PINX1: variants seen among roughly 807,000 people sequenced by gnomAD.
PINX1 encodes PIN2 (TERF1) interacting telomerase inhibitor 1.
A neutral mutation model predicts 25.4 loss-of-function variants in PINX1; 34 were observed. The observed-to-expected ratio is 1.34, with a 90% CI of 1.02 to 1.78. The LOEUF (loss-of-function observed/expected upper bound fraction) is 1.78, where lower values mean the gene tolerates loss of function less well. PINX1 is among the 40% of genes most tolerant of loss of function. The pLI is 0.00. For missense variants in PINX1, 592 were observed against 404.9 expected, an observed-to-expected ratio of 1.46 and a Z score of -3.97; for synonymous variants, 197 against 147.7, an observed-to-expected ratio of 1.33 and a Z score of -2.42.
chr8:10,812,407 A>T (rs1338693335), intron 6 of PINX1, among the ~76,000 whole-genome samples: 2 of 152,178 alleles, frequency 1.3e-5, no homozygotes, highest in African/African-American at 4.8e-5. Context: ...AGAAGGTCAG[A>T]GCTGGAAGGG....
intron 6 of PINX1, among the ~76,000 whole-genome samples, chr8:10,785,578 T>C (rs1052981548): frequency 1.3e-5 from 2 of 152,248 alleles, no homozygotes; most frequent in African/African-American, 4.8e-5. Context: ...TTAGTTCTTA[T>C]TATAGCAATC....
chr8:10,836,506 T>G (rs1472966420), intron 1 of PINX1, among the ~76,000 whole-genome samples: 1 of 152,206 alleles, frequency 6.6e-6, no homozygotes, highest in African/African-American at 2.4e-5. Context: ...GAGACAGTTT[T>G]GAGAATAAGC....
chr8:10,802,783 G>A (rs1285726094), intron 6 of PINX1, among the ~76,000 whole-genome samples: 1 of 152,144 alleles, frequency 6.6e-6, no homozygotes, highest in Non-Finnish European at 1.5e-5. Flanking sequence ...TCAGAGGACT[G>A]GGGAATTATA....
intron 6 of PINX1, among the ~76,000 whole-genome samples, chr8:10,808,734 A>G (rs549907220): frequency 6.6e-6 from 1 of 152,344 alleles, no homozygotes; most frequent in African/African-American, 2.4e-5. Flanking sequence ...ATCTTGGGAA[A>G]AACAATCTGA....
intron 6 of PINX1, among the ~76,000 whole-genome samples, chr8:10,819,407 A>G (rs919205619): frequency 6.6e-6 from 1 of 152,200 alleles, no homozygotes; most frequent in African/African-American, 2.4e-5. Flanking sequence ...AGTACAACAT[A>G]CCAGATTAGC....
At chr8:10,810,608 G>C (rs923893237) in intron 6 of PINX1, among the ~76,000 whole-genome samples, 10 of 152,168 alleles carry the variant, frequency 6.6e-5, no homozygotes, top group African/African-American at 2.4e-4. Flanking sequence ...AAAAATTCCT[G>C]CCCTCACGGG....
At chr8:10,825,981 A>T (rs1798025109) in intron 5 of PINX1, among the ~76,000 whole-genome samples, 171 bp downstream of exon 5, 1 of 152,248 alleles carries the variant, frequency 6.6e-6, no homozygotes, top group African/African-American at 2.4e-5. Flanking sequence ...TTCTAACAAG[A>T]TCCTCAGGCA....
intron 6 of PINX1, chr8:10,787,497 A>C (rs1428383782): frequency 1.5e-5 from 3 of 197,348 alleles, no homozygotes. Flanking sequence ...AAGTGCTGGG[A>C]TTACAGGCGT....
chr8:10,839,666 C>T, intron 1 of PINX1, 72 bp downstream of exon 1: 2 of 1,508,094 alleles, frequency 1.3e-6, no homozygotes, highest in Non-Finnish European at 9.1e-7. Flanking sequence ...CCCAGCCACT[C>T]CGGGCTGCCG....
chr8:10,765,426 T>C lies in PINX1; in HGVS notation c.962A>G (p.Lys321Arg), dbSNP rs757158491. Residue 321 changes from lysine to arginine, a missense_variant, in exon 7 of 7, where the codon AAG becomes AGG. Transcript: ENST00000314787. ...DATLEETLVK[K>R]KKKKDSK is the part of the protein sequence containing the mutation. ...TCATTTGGAATCTTTCTTCTTCTTC[T>C]TTTTCACTAGCGTTTCTTCTAGTGT... 27 of 1,605,376 alleles carry C rather than the reference T, an allele frequency of 1.7e-5. No homozygotes were observed. The Admixed American group carries it at 4.4e-4, about 26-fold the overall frequency.
intron 2 of PINX1, 69 bp from the exon 3 acceptor site, chr8:10,833,053 A>G (rs1798274005): frequency 1.1e-6 from 1 of 949,668 alleles, no homozygotes; most frequent in Non-Finnish European, 1.6e-6. Flanking sequence ...GCACTGCTAC[A>G]AAACTCACAG....
chr8:10,821,627 G>A (rs141969610), intron 5 of PINX1, among the ~76,000 whole-genome samples: 1 of 152,366 alleles, frequency 6.6e-6, no homozygotes, highest in African/African-American at 2.4e-5. Context: ...AAAACTGGTT[G>A]TAGCGGGAAG....
intron 6 of PINX1, among the ~76,000 whole-genome samples, chr8:10,794,709 T>C (rs890984171): frequency 6.6e-6 from 1 of 152,222 alleles, no homozygotes; most frequent in Non-Finnish European, 1.5e-5. Flanking sequence ...ATTACGGGCA[T>C]GAGCCACTGC....
intron 5 of PINX1, among the ~76,000 whole-genome samples, chr8:10,823,065 G>T (rs1031159955): frequency 6.6e-6 from 1 of 152,204 alleles, no homozygotes; most frequent in South Asian, 2.1e-4. Context: ...AAGAGTCAGT[G>T]TGAGTGACAC....
intron 6 of PINX1, among the ~76,000 whole-genome samples, chr8:10,782,090 G>T (rs1217058289): frequency 6.6e-6 from 1 of 152,172 alleles, no homozygotes. Context: ...AACCAGACAG[G>T]AAAGAAAAAC....
At chr8:10,799,678 G>A (rs1021901846) in intron 6 of PINX1, among the ~76,000 whole-genome samples, 6 of 152,160 alleles carry the variant, frequency 3.9e-5, no homozygotes, top group Admixed American at 3.9e-4. Context: ...TCTAAACTGG[G>A]GTGCAGTAGA....
At position 10,826,162 on chromosome 8, in the gene PINX1, T is replaced by C; in HGVS notation, c.384A>G (p.Lys128=). 3 of 1,551,380 alleles carry C rather than the reference T, an allele frequency of 1.9e-6. No individual in the cohort carries two copies. Among genetic ancestry groups the C allele is most frequent in the Non-Finnish European group, 2.7e-6 (3 of 1,128,986 alleles). ...KISKNRVHYM[K]FTKGKDLSSR... ...AATGCTTAATCTTACCTTTTGTGAATTTCATATAGTGAACACGGTTTTTGG... is the reference window on the plus strand; with the variant it reads ...AATGCTTAATCTTACCTTTTGTGAACTTCATATAGTGAACACGGTTTTTGG... The change falls in exon 5 of 7, where the codon AAA becomes AAG. Residue 128 remains lysine, a synonymous_variant. Transcript: ENST00000314787.
intron 4 of PINX1, 34 bp downstream of exon 4, chr8:10,831,631 T>C: frequency 7.6e-7 from 1 of 1,315,796 alleles, no homozygotes; most frequent in Non-Finnish European, 1.1e-6. Context: ...TAAACATATT[T>C]GCATTGAGAA....
chr8:10,772,354 G>C (rs1302789070), intron 6 of PINX1, among the ~76,000 whole-genome samples: 1 of 152,224 alleles, frequency 6.6e-6, no homozygotes, highest in African/African-American at 2.4e-5. Context: ...GCTAGGCAGT[G>C]ATTCACGGCC....
Sources: gnomAD v4.1 joint callset for allele counts (sites outside exome capture counted in the v4.1 genomes callset) on GRCh38, gnomAD v4.1.1 for gene constraint, MANE v1.5 for transcripts, NCBI Gene and HGNC (gene_info 2026-07-23, HGNC 2026-07-21) for gene names.